The following TRAF7 variants were observed in gnomAD, a reference collection of about 807,000 sequenced individuals.
TRAF7 encodes the protein E3 ubiquitin-protein ligase TRAF7.
In TRAF7, 45 loss-of-function variants were observed where a neutral mutation model predicts 89.3. That is an observed-to-expected ratio of 0.50 (90% CI 0.40 to 0.65). TRAF7 has a LOEUF of 0.65. Among genes scored for constraint, TRAF7 ranks in the 30% least tolerant of loss-of-function variants. The pLI is 0.00. For synonymous variants in TRAF7, 406 were observed against 369.2 expected (o/e 1.10, Z -1.14); for missense variants, 677 against 918.1 (o/e 0.74, Z 3.39).
rs117503499 is a variant in TRAF7 at position 2,174,628 on chromosome 16, G to C, written c.1346+295G>C. Among the ~76,000 whole-genome samples the C allele has an allele frequency of 3.3e-3, 500 of 152,262 alleles. 4 individuals carry two copies. The highest frequency in any genetic ancestry group is 0.01 in the South Asian group (50 of 4,824). On this transcript the variant is annotated intron_variant, in intron 14 of 20. Transcript: ENST00000326181. Reference sequence around the variant, plus strand: ...AACCAGAAGATAGGGGGGACCTTAGGGGGTGAAGGCAGGAGCTCAGCTCTC... The same window carrying C: ...AACCAGAAGATAGGGGGGACCTTAGCGGGTGAAGGCAGGAGCTCAGCTCTC...
intron 1 of TRAF7, among the ~76,000 whole-genome samples, chr16:2,157,587 C>T (rs1245213791): frequency 2.0e-5 from 3 of 152,204 alleles, no homozygotes; most frequent in African/African-American, 7.2e-5. Context: ...ACATCCCCAC[C>T]CTCCCGCATG....
In TRAF7 at chr16:2,158,777, G is replaced by GT. The variant is rs999220795; in HGVS notation, c.-39+2919_-39+2920insT. ...GGAAGCGTGGGCTCGGCGGGGGGGG[G>GT]GGGGACACTGCCACCCTTGGCTCTT... is the stretch of plus-strand genomic sequence containing the variant. On this transcript the variant is annotated intron_variant, in intron 1 of 20. Coordinates refer to ENST00000326181, the MANE Select transcript of TRAF7 (RefSeq NM_032271.3). This position sits in a 1 kb window ranked among gnomAD's most constrained non-coding sequence, Gnocchi z 4.7. Among the ~76,000 whole-genome samples, 1 of 151,256 alleles carries GT rather than the reference G, an allele frequency of 6.6e-6. No individual in the cohort carries two copies. Among genetic ancestry groups the GT allele is most frequent in the Non-Finnish European group, 1.5e-5 (1 of 67,672 alleles).
In TRAF7 at chr16:2,173,320, G is replaced by A. The variant is rs764362353; in HGVS notation, c.933G>A (p.Glu311=). 1.2e-6 allele frequency: 2 copies of A among 1,613,650 alleles called. No individual in the cohort carries two copies. The highest frequency in any genetic ancestry group is 2.2e-5 in the South Asian group (2 of 91,088). The change falls in exon 10 of 21, where the codon GAG becomes GAA. Residue 311 remains glutamate, a synonymous_variant. Coordinates refer to ENST00000326181, the MANE Select transcript of TRAF7 (RefSeq NM_032271.3). ...MHVALAQKDQ[E]IAFLRSMLGK... ...TGGCTCTGGCCCAGAAGGACCAGGAGATCGCCTTCCTGCGCTCCATGCTGG... is the reference window on the plus strand; with the variant it reads ...TGGCTCTGGCCCAGAAGGACCAGGAAATCGCCTTCCTGCGCTCCATGCTGG...
At chr16:2,170,019 C>T (rs558453473) in intron 4 of TRAF7, among the ~76,000 whole-genome samples, 6 of 152,322 alleles carry the variant, frequency 3.9e-5, no homozygotes, top group African/African-American at 1.4e-4. Context: ...GCTCCCTTGT[C>T]GGTGGCTCAG....
At chr16:2,173,859 T>TGGGGGCCGCCCCCCCCC in intron 12 of TRAF7, 23 bp downstream of exon 12, 1 of 1,246,248 alleles carries the variant, frequency 8.0e-7, no homozygotes, top group African/African-American at 1.9e-5. Context: ...CCGCCGTGGC[T>TGGGGGCCGCCCCCCCCC]CCCGCCCACC....
At position 2,174,277 on chromosome 16, in the gene TRAF7, G is replaced by A; in HGVS notation, c.1290G>A (p.Lys430=). 1.2e-6 allele frequency: 2 copies of A among 1,613,200 alleles called. No homozygotes were observed. The highest frequency in any genetic ancestry group is 2.2e-5 in the East Asian group (1 of 44,862). Residue 430 remains lysine (K), a synonymous_variant, in exon 14 of 21, where the codon AAG becomes AAA. Transcript: ENST00000326181. Reference sequence around the variant, plus strand: ...TGTGGGACACATGTACCACCTACAAGTGTCAGAAGACACTGGAGGGCCATG... The same window carrying A: ...TGTGGGACACATGTACCACCTACAAATGTCAGAAGACACTGGAGGGCCATG... ...IKVWDTCTTY[K]CQKTLEGHDG...
At position 2,172,256 on chromosome 16, in the gene TRAF7, A is replaced by G. The variant is rs1331062438; in HGVS notation, c.541A>G (p.Ile181Val). 6.2e-7 allele frequency: 1 copy of G among 1,612,956 alleles called. No individual in the cohort carries two copies. The highest frequency in any genetic ancestry group is 2.2e-5 in the East Asian group (1 of 44,870). The change falls in exon 8 of 21, where the codon ATC (isoleucine) becomes GTC (valine). Residue 181 changes from isoleucine to valine, a missense_variant. Ile to Val is a conservative substitution (Grantham distance 29). Around this residue, in one of 6 missense-constraint regions of TRAF7, gnomAD observed 238 missense variants for 352.6 expected, o/e 0.67. Coordinates refer to ENST00000326181, the MANE Select transcript of TRAF7 (RefSeq NM_032271.3). ...GAACAACATCGCGGTGGCCGAGCAG[A>G]TCGGGGAGCTCTTCATCCACTGCCG... ...VVNNIAVAEQ[I>V]GELFIHCRHG...
In TRAF7 at chr16:2,168,246, A is replaced by G; in HGVS notation, c.231+78A>G. 7.9e-7 allele frequency: 1 copy of G among 1,262,120 alleles called. No homozygotes were observed. The highest frequency in any genetic ancestry group is 2.1e-5 in the Admixed American group (1 of 47,616). The allele number at this position is 1,262,120 out of a possible 1,614,324, so 78.2% of individuals were successfully genotyped here. ...CCTCCTGGGGGAACCAGGTCCCAGG[A>G]GGAGTTGACAGTGAGCTGGTGAGGC... On this transcript the variant is annotated intron_variant, in intron 4 of 20. Transcript: ENST00000326181. This position sits in a 1 kb window ranked among gnomAD's most constrained non-coding sequence, Gnocchi z 4.1.
In TRAF7 at chr16:2,176,126, C is replaced by A. The variant is rs1191791116; in HGVS notation, c.1824C>A (p.Ile608=). 3.1e-6 allele frequency: 5 copies of A among 1,610,656 alleles called. No homozygotes were observed. The African/African-American group carries it at 6.7e-5, about 21-fold the overall frequency. The part of the protein sequence containing the change: ...HVGTVYALAV[I]STPDQTKVFS... Reference sequence around the variant, plus strand: ...GCACCGTGTATGCCCTGGCGGTCATCTCGACGCCAGACCAGACCAAAGTCT... The same window carrying A: ...GCACCGTGTATGCCCTGGCGGTCATATCGACGCCAGACCAGACCAAAGTCT... Residue 608 remains isoleucine, a synonymous_variant, in exon 19 of 21, where the codon ATC becomes ATA. Transcript: ENST00000326181.
chr16:2,158,779 G>A lies in TRAF7; in HGVS notation c.-39+2921G>A, dbSNP rs1008620885. On this transcript the variant is annotated intron_variant, in intron 1 of 20. Coordinates refer to ENST00000326181, the MANE Select transcript of TRAF7 (RefSeq NM_032271.3). The surrounding 1 kb of genome is among the most constrained non-coding windows in gnomAD (Gnocchi z 4.7). Reference sequence around the variant, plus strand: ...AAGCGTGGGCTCGGCGGGGGGGGGGGGGACACTGCCACCCTTGGCTCTTGG... The same window carrying A: ...AAGCGTGGGCTCGGCGGGGGGGGGGAGGACACTGCCACCCTTGGCTCTTGG... Among the ~76,000 whole-genome samples, 2 of 150,942 alleles carry A rather than the reference G, an allele frequency of 1.3e-5. No homozygotes were observed. The highest frequency in any genetic ancestry group is 1.3e-4 in the Admixed American group (2 of 15,184).
At chr16:2,175,781 C>A in intron 17 of TRAF7, 53 bp from the exon 18 acceptor site, 1 of 1,605,784 alleles carries the variant, frequency 6.2e-7, no homozygotes, top group South Asian at 1.1e-5. Flanking sequence ...GGTGCGGGGG[C>A]CCTGGGGGTG....
rs1375498803 is a variant in TRAF7 at position 2,161,392 on chromosome 16, C to T, written c.-38-2491C>T. On this transcript the variant is annotated intron_variant, in intron 1 of 20. Coordinates refer to ENST00000326181, the MANE Select transcript of TRAF7 (RefSeq NM_032271.3). The surrounding 1 kb of genome is among the most constrained non-coding windows in gnomAD (Gnocchi z 5.2). ...TTTGCACATTGCCCTGCGTGCCTTT[C>T]TGTTCACCTCACTTCAGAGTGAGGG... 6.6e-6 allele frequency among the ~76,000 whole-genome samples: 1 copy of T among 152,084 alleles called. No individual in the cohort carries two copies. The highest frequency in any genetic ancestry group is 2.4e-5 in the African/African-American group (1 of 41,398).
Position 2,163,991 on chromosome 16 carries a change from TCAC to T in TRAF7, c.75_77del (p.Thr26del). The T allele has an allele frequency of 6.2e-7, 1 of 1,609,124 alleles. No homozygotes were observed. Among genetic ancestry groups the T allele is most frequent in the Non-Finnish European group, 8.5e-7 (1 of 1,178,864 alleles). On this transcript the variant is annotated inframe_deletion, in exon 2 of 21. Coordinates refer to ENST00000326181, the MANE Select transcript of TRAF7 (RefSeq NM_032271.3). The surrounding 1 kb of genome is among the most constrained non-coding windows in gnomAD (Gnocchi z 4.3). ...CCCAGCAATCTTCCCACCCCAGACG[TCAC>T]CACAGGGGTAAGGGTGTGCCCCTCT...
rs1280061253 is a variant in TRAF7 at position 2,164,157 on chromosome 16, TGTGCGCGCGCGC to T, written c.81+158_81+169del. On this transcript the variant is annotated intron_variant, in intron 2 of 20. Coordinates refer to ENST00000326181, the MANE Select transcript of TRAF7 (RefSeq NM_032271.3). ...GGGGTGTGGTGTGTGTGTGTGTGTG[TGTGCGCGCGCGC>T]GCGCGCGCGCGCACGCGTGCGTGTG... Among the ~76,000 whole-genome samples the T allele has an allele frequency of 7.2e-4, 91 of 126,508 alleles. 1 individual carries two copies. The highest frequency in any genetic ancestry group is 2.6e-3 in the African/African-American group (80 of 31,340). The allele number at this position is 126,508 out of a possible 152,430, so 83.0% of individuals were successfully genotyped here.
intron 4 of TRAF7, among the ~76,000 whole-genome samples, chr16:2,170,371 G>T (rs1301348695): frequency 6.6e-6 from 1 of 152,246 alleles, no homozygotes; most frequent in Non-Finnish European, 1.5e-5. Context: ...AAAGAGAGGT[G>T]GCAGGCGTGA....
intron 2 of TRAF7, among the ~76,000 whole-genome samples, chr16:2,165,165 C>T (rs2093078701): frequency 7.1e-6 from 1 of 140,354 alleles, no homozygotes; most frequent in Non-Finnish European, 1.5e-5. Flanking sequence ...TGCTGCGTGG[C>T]CTGGCCTGGT....
At chr16:2,155,888 G>C (rs572129839) in intron 1 of TRAF7, 30 bp downstream of exon 1, 1 of 150,554 alleles carries the variant, frequency 6.6e-6, no homozygotes, top group Non-Finnish European at 1.5e-5. Flanking sequence ...GCCCGACCCG[G>C]GGCTCGCGCC....
chr16:2,174,226 C>T (rs770745630), intron 13 of TRAF7, 25 bp from the exon 14 acceptor site: 1 of 1,609,380 alleles, frequency 6.2e-7, no homozygotes, highest in Middle Eastern at 1.7e-4. Flanking sequence ...CTTGCTGGGA[C>T]CCACTGTGGC....
chr16:2,164,594 G>A (rs1426265690), intron 2 of TRAF7, among the ~76,000 whole-genome samples: 11 of 134,074 alleles, frequency 8.2e-5, no homozygotes, highest in South Asian at 2.4e-4. Context: ...TACGTGGCGC[G>A]GCCTGGTCGC....
Sources: gnomAD v4.1 joint callset for allele counts (sites outside exome capture counted in the v4.1 genomes callset) on GRCh38, gnomAD v4.1.1 for gene constraint, gnomAD v4.1.1 regional missense constraint, Gnocchi (gnomAD v3.1) non-coding constraint, MANE v1.5 for transcripts, NCBI Gene and HGNC (gene_info 2026-07-23, HGNC 2026-07-21) for gene names.